ROBO1: variants seen among roughly 807,000 people sequenced by gnomAD.
ROBO1 encodes roundabout guidance receptor 1.
A neutral mutation model predicts 195.9 loss-of-function variants in ROBO1; 149 were observed. The ratio of observed to expected loss-of-function variants is 0.76; its 90% CI spans 0.67 to 0.87. The LOEUF (loss-of-function observed/expected upper bound fraction) is 0.87. Ranked by LOEUF, ROBO1 falls within the 40% of genes least tolerant of loss-of-function variation. The pLI, the probability that ROBO1 is intolerant of heterozygous loss-of-function variation, is 0.00. For synonymous variants in ROBO1, 816 were observed against 733.2 expected, an observed-to-expected ratio of 1.11 and a Z score of -1.82; for missense variants, 1,933 against 2,068.3, an observed-to-expected ratio of 0.93 and a Z score of 1.27.
chr3:79,021,239 G>A (rs961657700), intron 3 of ROBO1, among the ~76,000 whole-genome samples: 2 of 152,092 alleles, frequency 1.3e-5, no homozygotes, highest in South Asian at 2.1e-4. Flanking sequence ...TCTTGCTAAA[G>A]GATATTTAGT....
At chr3:79,164,863 A>G (rs928108411) in intron 2 of ROBO1, among the ~76,000 whole-genome samples, 1 of 152,172 alleles carries the variant, frequency 6.6e-6, no homozygotes, top group African/African-American at 2.4e-5. Flanking sequence ...ACTTTCTCCA[A>G]ATAACTGCAT....
chr3:79,352,594 T>C (rs1303968333), intron 2 of ROBO1, among the ~76,000 whole-genome samples: 1 of 152,188 alleles, frequency 6.6e-6, no homozygotes, highest in Non-Finnish European at 1.5e-5. Flanking sequence ...CTAATCAAGA[T>C]ACAGAAGTGC....
intron 30 of ROBO1, among the ~76,000 whole-genome samples, chr3:78,599,765 C>G (rs2107214781): frequency 6.6e-6 from 1 of 152,270 alleles, no homozygotes; most frequent in East Asian, 1.9e-4. Flanking sequence ...ACTCTGTCAT[C>G]TTACTGGGTT....
chr3:79,591,995 A>AC (rs1197644682), intron 1 of ROBO1, among the ~76,000 whole-genome samples: 2 of 151,896 alleles, frequency 1.3e-5, no homozygotes, highest in African/African-American at 4.8e-5. Context: ...GTAAATAAAA[A>AC]CATGTATGAA....
intron 4 of ROBO1, among the ~76,000 whole-genome samples, chr3:78,877,718 G>C (rs979464049): frequency 6.6e-6 from 1 of 152,060 alleles, no homozygotes; most frequent in Admixed American, 6.6e-5. Flanking sequence ...TTGAATACAA[G>C]GTAAGCCTTC....
intron 27 of ROBO1, among the ~76,000 whole-genome samples, chr3:78,616,177 G>A (rs190718468): frequency 4.0e-4 from 61 of 152,040 alleles, no homozygotes; most frequent in African/African-American, 1.4e-3. Context: ...TCTATGTTTC[G>A]TCCATTTAAT....
intron 3 of ROBO1, among the ~76,000 whole-genome samples, chr3:78,948,855 T>G (rs906150964): frequency 6.6e-6 from 1 of 152,190 alleles, no homozygotes; most frequent in Non-Finnish European, 1.5e-5. Context: ...CAAGCATTCT[T>G]ATACGCCAAT....
In ROBO1 at chr3:79,460,876, T is replaced by A. The variant is rs1187623943; in HGVS notation, c.88+128948A>T. ...CATTCTCCTGCCTCAACCTCCCGAG[T>A]AGCTGGGACTACAGACGCCCACCAC... is the stretch of plus-strand genomic sequence containing the variant. On this transcript the variant is annotated intron_variant, in intron 2 of 30. Coordinates refer to ENST00000464233, the MANE Select transcript of ROBO1 (RefSeq NM_002941.4). Among the ~76,000 whole-genome samples the A allele has an allele frequency of 2.6e-5, 4 of 151,930 alleles. No individual in the cohort carries two copies. The East Asian group carries it at 7.8e-4, about 29-fold the overall frequency.
intron 2 of ROBO1, among the ~76,000 whole-genome samples, chr3:79,516,072 G>A (rs1189501681): frequency 1.3e-5 from 2 of 151,678 alleles, no homozygotes; most frequent in African/African-American, 2.4e-5. Flanking sequence ...CAGATCCTTC[G>A]CTTTCCTTCT....
In ROBO1 at chr3:78,976,727, C is replaced by T. The variant is rs140303311; in HGVS notation, c.173-37800G>A. Among the ~76,000 whole-genome samples, 666 of 152,254 alleles carry T rather than the reference C, an allele frequency of 4.4e-3. 8 individuals carry two copies. Among genetic ancestry groups the T allele is most frequent in the African/African-American group, 0.015 (615 of 41,556 alleles). On this transcript the variant is annotated intron_variant, in intron 3 of 30. Transcript: ENST00000464233. ...ATATACAGCTATTCCTTTTTGAAGT[C>T]TTTCTTCACTTAATATAACCAAGGG...
At chr3:78,676,608 G>C (rs1237159091) in intron 10 of ROBO1, among the ~76,000 whole-genome samples, 1 of 152,082 alleles carries the variant, frequency 6.6e-6, no homozygotes, top group East Asian at 1.9e-4. Context: ...AATGAAGTGA[G>C]AAGGGAAGTT....
chr3:78,673,353 G>T (rs537653014), intron 10 of ROBO1, among the ~76,000 whole-genome samples: 1 of 150,046 alleles, frequency 6.7e-6, no homozygotes. Flanking sequence ...TGGAGGTAGT[G>T]ATGGTATAAG....
chr3:79,067,436 A>G (rs1424117277), intron 3 of ROBO1, among the ~76,000 whole-genome samples: 1 of 151,972 alleles, frequency 6.6e-6, no homozygotes, highest in Non-Finnish European at 1.5e-5. Context: ...ATTATTGCAT[A>G]GGCTAGTAAA....
At chr3:78,912,490 G>A (rs73116742) in intron 4 of ROBO1, among the ~76,000 whole-genome samples, 273 of 152,114 alleles carry the variant, frequency 1.8e-3, no homozygotes, top group Non-Finnish European at 3.3e-3. Flanking sequence ...CTTTAATTCT[G>A]GTCTGCATGC....
chr3:79,732,476 C>T (rs1358434271), intron 1 of ROBO1, among the ~76,000 whole-genome samples: 1 of 152,140 alleles, frequency 6.6e-6, no homozygotes, highest in Non-Finnish European at 1.5e-5. Context: ...AAAATTTCTT[C>T]CATGACTATA....
chr3:79,764,770 AT>A (rs1704896473), intron 1 of ROBO1, among the ~76,000 whole-genome samples: 1 of 152,178 alleles, frequency 6.6e-6, no homozygotes, highest in Non-Finnish European at 1.5e-5. Context: ...GGTCAATGTT[AT>A]TTTGTATTTG....
intron 3 of ROBO1, among the ~76,000 whole-genome samples, chr3:78,989,384 C>T (rs892519599): frequency 4.6e-5 from 7 of 152,238 alleles, no homozygotes; most frequent in East Asian, 3.9e-4. Flanking sequence ...GAGGCCAAAG[C>T]GGGTGGAACA....
intron 2 of ROBO1, among the ~76,000 whole-genome samples, chr3:79,346,781 A>G (rs1458652293): frequency 6.6e-6 from 1 of 151,948 alleles, no homozygotes; most frequent in Non-Finnish European, 1.5e-5. Flanking sequence ...CGTCATTTTT[A>G]AAACTGATCA....
chr3:78,603,049 G>A (rs1432832798), intron 29 of ROBO1, among the ~76,000 whole-genome samples: 1 of 152,020 alleles, frequency 6.6e-6, no homozygotes, highest in Non-Finnish European at 1.5e-5. Context: ...ACCCATTCTT[G>A]CTCCTATAAC....
Sources: gnomAD v4.1 joint callset for allele counts (sites outside exome capture counted in the v4.1 genomes callset) on GRCh38, gnomAD v4.1.1 for gene constraint, MANE v1.5 for transcripts, NCBI Gene and HGNC (gene_info 2026-07-23, HGNC 2026-07-21) for gene names.